Variants in HABP2 observed in about 807,000 individuals in gnomAD.
HABP2 encodes the protein factor VII-activating protease.
In HABP2, 65 loss-of-function variants were observed where a neutral mutation model predicts 66.5. That is an observed-to-expected ratio of 0.98 (90% CI 0.80 to 1.20). HABP2 has a LOEUF of 1.20. Among genes scored for constraint, HABP2 ranks in the 50% most tolerant of loss-of-function variants. The pLI, the probability that HABP2 is intolerant of heterozygous loss-of-function variation, is 0.00. For synonymous variants in HABP2, 263 were observed against 253.9 expected (o/e 1.04, Z -0.34); for missense variants, 786 against 691.0 (o/e 1.14, Z -1.54).
chr10:113,565,725 TA>T (rs1476590846), intron 1 of HABP2, among the ~76,000 whole-genome samples: 1 of 152,236 alleles, frequency 6.6e-6, no homozygotes, highest in Non-Finnish European at 1.5e-5. Flanking sequence ...CCATTGTTTT[TA>T]AATCCAGGAT....
intron 1 of HABP2, among the ~76,000 whole-genome samples, chr10:113,564,110 T>C (rs985399662): frequency 2.0e-5 from 3 of 152,140 alleles, no homozygotes; most frequent in Non-Finnish European, 4.4e-5. Context: ...CTCACAATCA[T>C]GGCAGAAGGT....
intron 2 of HABP2, among the ~76,000 whole-genome samples, chr10:113,573,413 A>T (rs1845349412): frequency 6.6e-6 from 1 of 152,244 alleles, no homozygotes; most frequent in African/African-American, 2.4e-5. Context: ...TGGATAGTCA[A>T]TGGGGATGGT....
chr10:113,576,645 G>T (rs764936733), intron 4 of HABP2, among the ~76,000 whole-genome samples: 5 of 152,190 alleles, frequency 3.3e-5, no homozygotes, highest in Non-Finnish European at 7.3e-5. Flanking sequence ...ACTTCGTGGA[G>T]GGAAGTGGGG....
chr10:113,586,977 C>T (rs1845649661), intron 12 of HABP2, among the ~76,000 whole-genome samples: 1 of 152,090 alleles, frequency 6.6e-6, no homozygotes, highest in African/African-American at 2.4e-5. Context: ...CAGATGGGTG[C>T]AATTTGCCCT....
At position 113,578,767 on chromosome 10, in the gene HABP2, A is replaced by G; in HGVS notation, c.709A>G (p.Thr237Ala). The G allele has an allele frequency of 6.2e-7, 1 of 1,612,278 alleles. No individual in the cohort carries two copies. Among genetic ancestry groups the G allele is most frequent in the Non-Finnish European group, 8.5e-7 (1 of 1,178,572 alleles). The change falls in exon 7 of 13, where the codon ACC becomes GCC. Residue 237 changes from threonine to alanine, a missense_variant. Transcript: ENST00000351270. ...CAACATGTTTATGGAGGATGCTGAA[A>G]CCCATGGGATTGGGGAACACAATTT... Reference protein sequence around the residue: ...NYNMFMEDAETHGIGEHNFCR... With the variant: ...NYNMFMEDAEAHGIGEHNFCR...
Position 113,577,267 on chromosome 10 carries a change from G to A in HABP2, c.448+1G>A, listed in dbSNP as rs199995566. 11 of 1,512,716 alleles carry A rather than the reference G, an allele frequency of 7.3e-6. No individual in the cohort carries two copies. The highest frequency in any genetic ancestry group is 2.2e-5 in the South Asian group (2 of 89,048). 93.7% of individuals were successfully genotyped at this position (1,512,716 alleles called of 1,614,324 possible). On this transcript the variant is annotated splice_donor_variant, in intron 5 of 12. Coordinates refer to ENST00000351270, the MANE Select transcript of HABP2 (RefSeq NM_004132.5). LOFTEE classifies it high-confidence loss of function. ...TACACAGGTCCCAGCTGCTCCCAAG[G>A]TAAGTGGTGGAGGCCCCTTCGACGC...
chr10:113,587,369 A>G (rs577440921), intron 12 of HABP2, among the ~76,000 whole-genome samples: 1 of 152,308 alleles, frequency 6.6e-6, no homozygotes, highest in East Asian at 1.9e-4. Flanking sequence ...TCCCTAGATA[A>G]TTGAAGGCTT....
At chr10:113,587,341 A>AC (rs984592377) in intron 12 of HABP2, among the ~76,000 whole-genome samples, 30 of 149,624 alleles carry the variant, frequency 2.0e-4, no homozygotes, top group African/African-American at 3.2e-4. Flanking sequence ...AAACAAACAA[A>AC]AAAAAACCTC....
intron 1 of HABP2, among the ~76,000 whole-genome samples, chr10:113,564,942 G>T (rs1006490462): frequency 3.3e-5 from 5 of 152,116 alleles, no homozygotes; most frequent in Non-Finnish European, 7.4e-5. Flanking sequence ...TGCCTCCTGG[G>T]CTCACCCCAT....
chr10:113,583,434 G>C, intron 10 of HABP2, 76 bp downstream of exon 10: 1 of 1,267,408 alleles, frequency 7.9e-7, no homozygotes, highest in East Asian at 2.3e-5. Flanking sequence ...GCTGAAGTTT[G>C]GTTCTAGAAG....
chr10:113,572,861 G>T (rs528996798), intron 2 of HABP2: 1 of 232,786 alleles, frequency 4.3e-6, no homozygotes, highest in Non-Finnish European at 8.9e-6. Flanking sequence ...CAGAGTTGGC[G>T]TATTCAAAAA....
At chr10:113,579,042 A>G (rs1478104379) in intron 7 of HABP2, among the ~76,000 whole-genome samples, 1 of 151,174 alleles carries the variant, frequency 6.6e-6, no homozygotes, top group Non-Finnish European at 1.5e-5. Context: ...AGATTGCTTG[A>G]GCCCAGGAGT....
At chr10:113,579,405 T>C (rs1283695487) in intron 7 of HABP2, among the ~76,000 whole-genome samples, 1 of 152,214 alleles carries the variant, frequency 6.6e-6, no homozygotes, top group East Asian at 1.9e-4. Context: ...CATGAGTTTT[T>C]CTCTACCTCA....
rs374506811 is a variant in HABP2 at position 113,575,851 on chromosome 10, C to T, written c.224-46C>T. On this transcript the variant is annotated intron_variant, in intron 3 of 12. Transcript: ENST00000351270. ...GAAAAATTTGGAGGGGGGCGCTTCTCACCTGCCTTTCCTTACCAACATTGC... is the reference window on the plus strand; with the variant it reads ...GAAAAATTTGGAGGGGGGCGCTTCTTACCTGCCTTTCCTTACCAACATTGC... 57 of 1,121,806 alleles carry T rather than the reference C, an allele frequency of 5.1e-5. No individual in the cohort carries two copies. In the African/African-American group the frequency reaches 5.5e-4, roughly 11 times the overall value. The allele number at this position is 1,121,806 out of a possible 1,614,324, so 69.5% of individuals were successfully genotyped here.
Position 113,576,010 on chromosome 10 carries a change from TC to T in HABP2, c.331+8del. The T allele has an allele frequency of 6.8e-7, 1 of 1,464,268 alleles. No individual in the cohort carries two copies. The highest frequency in any genetic ancestry group is 1.1e-5 in the South Asian group (1 of 88,026). The allele number at this position is 1,464,268 out of a possible 1,614,324, so 90.7% of individuals were successfully genotyped here. On this transcript the variant is annotated splice_region_variant and intron_variant, in intron 4 of 12. Transcript: ENST00000351270. Reference sequence around the variant, plus strand: ...TGGGAATAAGTGTCAGAAAGGTGAGTCCGTCATCACTAGTCCACTCTTCCCT... The same window carrying T: ...TGGGAATAAGTGTCAGAAAGGTGAGTCGTCATCACTAGTCCACTCTTCCCT...
intron 9 of HABP2, 48 bp downstream of exon 9, chr10:113,582,179 G>T (rs1285984356): frequency 2.6e-6 from 4 of 1,557,638 alleles, no homozygotes; most frequent in Admixed American, 2.0e-5. Flanking sequence ...GTGGCTGGGG[G>T]TGCTCTCCCC....
At chr10:113,569,848 C>A (rs1039843923) in intron 2 of HABP2, 1 of 152,290 alleles carries the variant, frequency 6.6e-6, no homozygotes, top group Non-Finnish European at 1.5e-5. Context: ...TCAGAGGAGC[C>A]GTCTGTGCCA....
intron 2 of HABP2, among the ~76,000 whole-genome samples, chr10:113,568,719 C>G (rs1274378327): frequency 6.6e-6 from 1 of 152,152 alleles, no homozygotes; most frequent in African/African-American, 2.4e-5. Flanking sequence ...GAAGGGTGGC[C>G]TCTTCCCCAG....
At position 113,584,289 on chromosome 10, in the gene HABP2, C is replaced by T. The variant is rs192245298; in HGVS notation, c.1372+7C>T. The T allele has an allele frequency of 2.9e-5, 47 of 1,612,732 alleles. No individual in the cohort carries two copies. The highest frequency in any genetic ancestry group is 1.6e-4 in the Middle Eastern group (1 of 6,072). ...TGGGGTGTTACAGAAACAGGTGAGT[C>T]GGCCATGCACTCTCCCATGACTTAG... On this transcript the variant is annotated splice_region_variant and intron_variant, in intron 11 of 12. Transcript: ENST00000351270.
Sources: allele counts gnomAD v4.1 joint callset (sites outside exome capture counted in the v4.1 genomes callset), GRCh38; gene constraint gnomAD v4.1.1; transcripts MANE v1.5; gene names NCBI Gene and HGNC (gene_info 2026-07-23, HGNC 2026-07-21).